The following RECK variants were observed in gnomAD, a reference collection of about 807,000 sequenced individuals.
The protein encoded by RECK is reversion-inducing cysteine-rich protein with Kazal motifs.
A neutral mutation model predicts 115.1 loss-of-function variants in RECK; 69 were observed. That is an observed-to-expected ratio of 0.60 (90% CI 0.49 to 0.73). The LOEUF is 0.73. RECK is among the 30% of genes least tolerant of loss of function. The pLI is 0.00. For missense variants in RECK, 1,047 were observed against 1,203.7 expected (o/e 0.87, Z 1.93); for synonymous variants, 414 against 419.7 (o/e 0.99, Z 0.17).
intron 16 of RECK, among the ~76,000 whole-genome samples, chr9:36,114,671 G>A (rs1283084271): frequency 6.6e-6 from 1 of 152,098 alleles, no homozygotes. Context: ...TGGGCAACAT[G>A]GTGAAACCCT....
chr9:36,099,613 G>A (rs1169625329), intron 10 of RECK, among the ~76,000 whole-genome samples: 15 of 151,986 alleles, frequency 9.9e-5, no homozygotes, highest in Admixed American at 8.5e-4. Flanking sequence ...CTGAGTAGCT[G>A]GAACTAGAGG....
chr9:36,038,324 G>T (rs946624419), intron 1 of RECK, among the ~76,000 whole-genome samples: 1 of 152,074 alleles, frequency 6.6e-6, no homozygotes. Flanking sequence ...TCCAACAGGG[G>T]TATTAACTAT....
intron 1 of RECK, among the ~76,000 whole-genome samples, chr9:36,043,010 CTTTTTTTTTTTT>C (rs61673918): frequency 0.018 from 1,080 of 59,562 alleles, 66 homozygotes; most frequent in African/African-American, 0.066. Context: ...CCTTAGCCCA[CTTTTTTTTTTTT>C]TTTTTTTTTT....
At chr9:36,118,457 G>A (rs911729098) in intron 17 of RECK, among the ~76,000 whole-genome samples, 1 of 152,188 alleles carries the variant, frequency 6.6e-6, no homozygotes, top group African/African-American at 2.4e-5. Flanking sequence ...AGTCTGAGCA[G>A]AGCAGAGAGA....
At chr9:36,058,927 A>G (rs993628954) in intron 3 of RECK, 26 bp downstream of exon 3, 2 of 1,423,250 alleles carry the variant, frequency 1.4e-6, no homozygotes, top group Non-Finnish European at 1.9e-6. Context: ...ACTTAACTGT[A>G]GAAGCTTCTG....
At chr9:36,042,305 T>C (rs766972164) in intron 1 of RECK, among the ~76,000 whole-genome samples, 2 of 152,120 alleles carry the variant, frequency 1.3e-5, no homozygotes, top group Non-Finnish European at 2.9e-5. Context: ...AATGAGAACA[T>C]ACAATGTTTG....
At chr9:36,076,080 T>C (rs532755577) in intron 6 of RECK, among the ~76,000 whole-genome samples, 5 of 152,222 alleles carry the variant, frequency 3.3e-5, no homozygotes, top group South Asian at 4.1e-4. Context: ...CCAAATCAAA[T>C]TGGACAGCCA....
rs7849200 is a variant in RECK at position 36,094,078 on chromosome 9, A to G, written c.1085+2735A>G. 0.025 allele frequency among the ~76,000 whole-genome samples: 3,815 copies of G among 152,250 alleles called. 167 individuals are homozygous for G. Among genetic ancestry groups the G allele is most frequent in the African/African-American group, 0.085 (3,551 of 41,558 alleles). ...ACAACCTCAGAATTTTCTGCCAGCAATCTCTCACTACAAGAAATTCTTCAG... is the reference window on the plus strand; with the variant it reads ...ACAACCTCAGAATTTTCTGCCAGCAGTCTCTCACTACAAGAAATTCTTCAG... On this transcript the variant is annotated intron_variant, in intron 10 of 20. Coordinates refer to ENST00000377966, the MANE Select transcript of RECK (RefSeq NM_021111.3). This position sits in a 1 kb window ranked among gnomAD's most constrained non-coding sequence, Gnocchi z 4.1.
chr9:36,098,641 A>T (rs1031482683), intron 10 of RECK, among the ~76,000 whole-genome samples: 34 of 152,212 alleles, frequency 2.2e-4, no homozygotes, highest in Admixed American at 2.0e-3. Flanking sequence ...CATATGTCCA[A>T]ATAAAGACCT....
At chr9:36,116,077 G>A (rs185436289) in intron 16 of RECK, among the ~76,000 whole-genome samples, 1 of 143,376 alleles carries the variant, frequency 7.0e-6, no homozygotes, top group Admixed American at 6.7e-5. Context: ...CAGATCCTCG[G>A]TCTTGTAGGC....
chr9:36,050,690 G>A (rs984942352), intron 1 of RECK, among the ~76,000 whole-genome samples: 32 of 152,142 alleles, frequency 2.1e-4, no homozygotes, highest in African/African-American at 7.2e-4. Flanking sequence ...AGACCTGTAT[G>A]ATCTGGTCCC....
chr9:36,122,166 C>T (rs1278613909), intron 20 of RECK, among the ~76,000 whole-genome samples: 2 of 152,170 alleles, frequency 1.3e-5, no homozygotes, highest in Non-Finnish European at 2.9e-5. Context: ...CTTTGTCAGT[C>T]TGGAGACATG....
intron 6 of RECK, among the ~76,000 whole-genome samples, chr9:36,072,962 C>G (rs1335049788): frequency 1.3e-5 from 2 of 151,856 alleles, no homozygotes; most frequent in East Asian, 3.9e-4. Context: ...CTTAAGTGGC[C>G]AAGGTTTTCC....
At chr9:36,105,548 C>G (rs987177206) in intron 13 of RECK, among the ~76,000 whole-genome samples, 2 of 152,114 alleles carry the variant, frequency 1.3e-5, no homozygotes, top group Admixed American at 1.3e-4. Flanking sequence ...CTAATAATAA[C>G]AGTCTAAAAC....
At chr9:36,070,831 A>G (rs529883842) in intron 6 of RECK, among the ~76,000 whole-genome samples, 1 of 152,356 alleles carries the variant, frequency 6.6e-6, no homozygotes, top group South Asian at 2.1e-4. Context: ...TGGGGTCACC[A>G]GACCCTGGCC....
Position 36,037,075 on chromosome 9 carries a change from G to A in RECK, c.77G>A (p.Gly26Glu). 2 of 1,382,042 alleles carry A rather than the reference G, an allele frequency of 1.4e-6. No individual in the cohort carries two copies. Among genetic ancestry groups the A allele is most frequent in the Admixed American group, 3.3e-5 (1 of 30,204 alleles). 85.6% of individuals were successfully genotyped at this position (1,382,042 alleles called of 1,614,324 possible). The change falls in exon 1 of 21, where the codon GGG becomes GAG. Residue 26 changes from glycine (G) to glutamate (E), a missense_variant. Transcript: ENST00000377966. The part of the protein sequence containing the change: ...LAVAGVAEVA[G>E]GLAPGSAGAL... Reference sequence around the variant, plus strand: ...GTGGCGGGGGTCGCGGAGGTGGCAGGGGGCCTGGCTCCGGGCAGTGCGGGT... The same window carrying A: ...GTGGCGGGGGTCGCGGAGGTGGCAGAGGGCCTGGCTCCGGGCAGTGCGGGT...
At chr9:36,098,583 A>G (rs1272264908) in intron 10 of RECK, among the ~76,000 whole-genome samples, 1 of 152,198 alleles carries the variant, frequency 6.6e-6, no homozygotes, top group Non-Finnish European at 1.5e-5. Context: ...AGTTAAATCT[A>G]TGACCTAACA....
At chr9:36,107,105 C>CAA (rs34425685) in intron 13 of RECK, among the ~76,000 whole-genome samples, 52 of 82,362 alleles carry the variant, frequency 6.3e-4, no homozygotes, top group African/African-American at 1.4e-3. Flanking sequence ...GACTCCGTCT[C>CAA]AAAAAAAAAA....
chr9:36,072,450 C>G (rs1290743242), intron 6 of RECK, among the ~76,000 whole-genome samples: 1 of 152,162 alleles, frequency 6.6e-6, no homozygotes, highest in Non-Finnish European at 1.5e-5. Flanking sequence ...TGTGGCAGAT[C>G]ACAGCCTAGG....
Sources: allele counts gnomAD v4.1 joint callset (sites outside exome capture counted in the v4.1 genomes callset), GRCh38; gene constraint gnomAD v4.1.1; non-coding constraint Gnocchi (gnomAD v3.1); transcripts MANE v1.5; gene names NCBI Gene and HGNC (gene_info 2026-07-23, HGNC 2026-07-21).